The following ZFHX4 variants were observed in gnomAD, a reference collection of about 807,000 sequenced individuals.
ZFHX4 encodes the protein zinc finger homeobox protein 4.
A neutral mutation model predicts 267.6 loss-of-function variants in ZFHX4; 56 were observed. That is an observed-to-expected ratio of 0.21 (90% CI 0.17 to 0.26). The LOEUF (loss-of-function observed/expected upper bound fraction) is 0.26, where lower values mean the gene tolerates loss of function less well. Ranked by LOEUF, ZFHX4 falls within the 10% of genes least tolerant of loss-of-function variation. The pLI is 1.00. For missense variants in ZFHX4, 4,332 were observed against 4,420.0 expected (o/e 0.98, Z 0.56); for synonymous variants, 1,778 against 1,665.6 (o/e 1.07, Z -1.64).
chr8:76,749,059 T>C (rs75426167), intron 3 of ZFHX4, among the ~76,000 whole-genome samples: 1 of 152,298 alleles, frequency 6.6e-6, no homozygotes, highest in Non-Finnish European at 1.5e-5. Flanking sequence ...CTAAAATCAG[T>C]ATTAAAGGAG....
chr8:76,808,675 G>A (rs552740043), intron 4 of ZFHX4, among the ~76,000 whole-genome samples: 2 of 152,150 alleles, frequency 1.3e-5, no homozygotes, highest in South Asian at 4.2e-4. Context: ...AATATTGATT[G>A]GCCCTTTCTA....
chr8:76,712,920 GA>G (rs1042341735), intron 3 of ZFHX4, among the ~76,000 whole-genome samples: 10 of 151,160 alleles, frequency 6.6e-5, no homozygotes, highest in Admixed American at 5.9e-4. Flanking sequence ...GGCAGAGATT[GA>G]AAAAAAACAG....
rs1242943099 is a variant in ZFHX4, at chr8:76,863,903, C to T, written c.10189C>T (p.Pro3397Ser). The T allele has an allele frequency of 1.9e-6, 3 of 1,580,076 alleles. No individual in the cohort carries two copies. The highest frequency in any genetic ancestry group is 2.7e-5 in the African/African-American group (2 of 74,284). ...SADFSDTYVVPFVKYEFICRK... is the reference protein window; with the variant it reads ...SADFSDTYVVSFVKYEFICRK... The stretch of plus-strand genomic sequence containing the variant: ...AGACTTTTCAGACACTTACGTTGTT[C>T]CATTCGTCAAGTATGAGTTTATATG... Residue 3397 changes from proline to serine, a missense_variant, in exon 11 of 11, where the codon CCA (proline) becomes TCA (serine). This residue lies in a region of ZFHX4 where 1,648 missense variants were observed against 1,625.0 expected (regional missense o/e 1.01). Coordinates refer to ENST00000651372, the MANE Select transcript of ZFHX4 (RefSeq NM_024721.5).
chr8:76,781,524 T>G (rs1455966762), intron 4 of ZFHX4, among the ~76,000 whole-genome samples: 1 of 152,092 alleles, frequency 6.6e-6, no homozygotes, highest in African/African-American at 2.4e-5. Flanking sequence ...ACAAGCCTGG[T>G]TCTTAAACTG....
intron 3 of ZFHX4, among the ~76,000 whole-genome samples, chr8:76,714,806 G>A (rs1808520927): frequency 6.6e-6 from 1 of 152,142 alleles, no homozygotes; most frequent in African/African-American, 2.4e-5. Flanking sequence ...AGTTTTCTAA[G>A]GTGATACTTC....
At chr8:76,787,486 G>T (rs1474445195) in intron 4 of ZFHX4, among the ~76,000 whole-genome samples, 1 of 151,900 alleles carries the variant, frequency 6.6e-6, no homozygotes, top group Non-Finnish European at 1.5e-5. Context: ...CATGGTACTT[G>T]TTAGAAAACA....
intron 3 of ZFHX4, among the ~76,000 whole-genome samples, chr8:76,759,068 T>G (rs975872905): frequency 3.9e-5 from 6 of 152,248 alleles, no homozygotes; most frequent in Non-Finnish European, 8.8e-5. Context: ...TTTACATACA[T>G]ATTTACATTT....
intron 3 of ZFHX4, among the ~76,000 whole-genome samples, chr8:76,730,273 G>A (rs1001684187): frequency 6.6e-6 from 1 of 152,146 alleles, no homozygotes; most frequent in Non-Finnish European, 1.5e-5. Context: ...GTGACCACGT[G>A]AACAAAGAGA....
intron 3 of ZFHX4, among the ~76,000 whole-genome samples, chr8:76,728,993 A>G (rs1036356900): frequency 6.6e-6 from 1 of 152,206 alleles, no homozygotes; most frequent in African/African-American, 2.4e-5. Flanking sequence ...GCCTATGGTA[A>G]TATTTCAAGG....
intron 1 of ZFHX4, among the ~76,000 whole-genome samples, chr8:76,691,147 T>C (rs1436693742): frequency 1.3e-5 from 2 of 152,020 alleles, no homozygotes; most frequent in African/African-American, 4.8e-5. Context: ...GTGGAGATGG[T>C]GAAGAGTTGG....
Position 76,854,333 on chromosome 8 carries a change from C to A in ZFHX4, c.7412C>A (p.Pro2471His). 6.2e-7 allele frequency: 1 copy of A among 1,613,864 alleles called. No homozygotes were observed. The highest frequency in any genetic ancestry group is 8.5e-7 in the Non-Finnish European group (1 of 1,179,856). The part of the protein sequence containing the change: ...RPPSASQTPV[P>H]SSPLQISMTS... Reference sequence around the variant, plus strand: ...CCCTCGGCCTCTCAAACACCGGTCCCTTCCAGTCCACTGCAAATTTCCATG... The same window carrying A: ...CCCTCGGCCTCTCAAACACCGGTCCATTCCAGTCCACTGCAAATTTCCATG... The change falls in exon 10 of 11, where the codon CCT becomes CAT. Residue 2471 changes from proline (P) to histidine (H), a missense_variant. Physicochemically the swap from Pro to His is moderately conservative, Grantham distance 77. Coordinates refer to ENST00000651372, the MANE Select transcript of ZFHX4 (RefSeq NM_024721.5).
At position 76,707,778 on chromosome 8, in the gene ZFHX4, T is replaced by C. The variant is rs1353575141; in HGVS notation, c.2823T>C (p.Asp941=). 2 of 1,614,028 alleles carry C rather than the reference T, an allele frequency of 1.2e-6. No individual in the cohort carries two copies. Among genetic ancestry groups the C allele is most frequent in the Admixed American group, 1.7e-5 (1 of 60,014 alleles). ...AGGAATGGAGGGCAGTAATTGGAGA[T>C]ATCTACCAGTGCAAGCTCTGCAACT... ...PEEEWRAVIG[D]IYQCKLCNYN... The change falls in exon 3 of 11, where the codon GAT becomes GAC. Residue 941 remains aspartate (D), a synonymous_variant. Coordinates refer to ENST00000651372, the MANE Select transcript of ZFHX4 (RefSeq NM_024721.5).
chr8:76,775,962 A>G (rs1259998186), intron 3 of ZFHX4, among the ~76,000 whole-genome samples: 1 of 151,482 alleles, frequency 6.6e-6, no homozygotes. Flanking sequence ...GGCAGTCTGA[A>G]TGGCTGTGGC....
chr8:76,715,178 T>G (rs1808532117), intron 3 of ZFHX4, among the ~76,000 whole-genome samples: 1 of 152,054 alleles, frequency 6.6e-6, no homozygotes, highest in African/African-American at 2.4e-5. Context: ...TCTCCTAGAA[T>G]ATGAAGAAGA....
At position 76,772,538 on chromosome 8, in the gene ZFHX4, A is replaced by G. The variant is rs149846379; in HGVS notation, c.3094-5670A>G. 6.8e-3 allele frequency among the ~76,000 whole-genome samples: 1,037 copies of G among 152,212 alleles called. 19 individuals are homozygous for G. Among genetic ancestry groups the G allele is most frequent in the African/African-American group, 0.024 (983 of 41,524 alleles). ...GGAGGGACATAGGTGAGCTGTATTT[A>G]TGACTCCCAGGAGTCATATTTTGAC... is the stretch of plus-strand genomic sequence containing the variant. On this transcript the variant is annotated intron_variant, in intron 3 of 10. Transcript: ENST00000651372.
intron 4 of ZFHX4, among the ~76,000 whole-genome samples, chr8:76,829,595 G>A (rs1212066568): frequency 6.6e-6 from 1 of 152,086 alleles, no homozygotes; most frequent in Non-Finnish European, 1.5e-5. Context: ...CAGATCACAA[G>A]GTCAGGAGTT....
chr8:76,854,890 C>G lies in ZFHX4; in HGVS notation c.7969C>G (p.Arg2657Gly). 6.2e-7 allele frequency: 1 copy of G among 1,612,768 alleles called. No homozygotes were observed. Among genetic ancestry groups the G allele is most frequent in the Non-Finnish European group, 8.5e-7 (1 of 1,179,186 alleles). The change falls in exon 10 of 11, where the codon CGA (arginine) becomes GGA (glycine). Residue 2657 changes from arginine to glycine, a missense_variant. By Grantham distance (125) the Arg-to-Gly change is moderately radical. Coordinates refer to ENST00000651372, the MANE Select transcript of ZFHX4 (RefSeq NM_024721.5). ...CGTGCAAGTCTGGTTCCAGAATACA[C>G]GAGCGCGGGAGAGGAAAGGCCAGTT... ...RVVQVWFQNTRARERKGQFRA... is the reference protein window; with the variant it reads ...RVVQVWFQNTGARERKGQFRA...
At position 76,709,186 on chromosome 8, in the gene ZFHX4, A is replaced by G. The variant is rs533839022; in HGVS notation, c.3093+1138A>G. On this transcript the variant is annotated intron_variant, in intron 3 of 10. Coordinates refer to ENST00000651372, the MANE Select transcript of ZFHX4 (RefSeq NM_024721.5). The stretch of plus-strand genomic sequence containing the variant: ...TATTTATTTGGATTTGTCTAATACT[A>G]TGTGTTTGGGTTGTTTCTTGAAGTT... Among the ~76,000 whole-genome samples, 55 of 151,120 alleles carry G rather than the reference A, an allele frequency of 3.6e-4. 1 individual carries two copies. The South Asian group carries it at 0.012, about 32-fold the overall frequency.
chr8:76,801,557 C>T (rs968905429), intron 4 of ZFHX4, among the ~76,000 whole-genome samples: 1 of 152,172 alleles, frequency 6.6e-6, no homozygotes, highest in Non-Finnish European at 1.5e-5. Context: ...CTTTTCTGCT[C>T]CTAGCCTATT....
Sources: allele counts gnomAD v4.1 joint callset (sites outside exome capture counted in the v4.1 genomes callset), GRCh38; gene constraint gnomAD v4.1.1; regional missense constraint gnomAD v4.1.1; transcripts MANE v1.5; gene names NCBI Gene and HGNC (gene_info 2026-07-23, HGNC 2026-07-21).